Variants in SLITRK5 observed in about 807,000 individuals in gnomAD.
The protein encoded by SLITRK5 is SLIT and NTRK-like protein 5.
SLITRK5 carries 23 observed loss-of-function variants against 56.2 expected under a neutral mutation model. That is an observed-to-expected ratio of 0.41 (90% CI 0.29 to 0.58). The LOEUF is 0.58. Ranked by LOEUF, SLITRK5 falls within the 20% of genes least tolerant of loss-of-function variation. The pLI is 0.30. For synonymous variants in SLITRK5, 637 were observed against 531.8 expected (o/e 1.20, Z -2.72); for missense variants, 1,289 against 1,226.6 (o/e 1.05, Z -0.76).
rs777844382 is a variant in SLITRK5 at position 87,677,224 on chromosome 13, C to T, written c.1836C>T (p.Cys612=). ...GCTCCATTAAGTCGGAGCTGCTGTG[C>T]CCTGACTATTCAGATGTAGTAGTTT... The part of the protein sequence containing the change: ...DMRSIKSELL[C]PDYSDVVVST... The change falls in exon 2 of 2, where the codon TGC becomes TGT. Residue 612 remains cysteine, a synonymous_variant. Transcript: ENST00000683689. This position sits in a 1 kb window ranked among gnomAD's most constrained non-coding sequence, Gnocchi z 4.7. 4 of 1,614,184 alleles carry T rather than the reference C, an allele frequency of 2.5e-6. No individual in the cohort carries two copies. The highest frequency in any genetic ancestry group is 3.4e-6 in the Non-Finnish European group (4 of 1,180,046).
chr13:87,675,359 T>C (rs1172710965), intron 1 of SLITRK5, 22 bp from the exon 2 acceptor site: 1 of 1,571,058 alleles, frequency 6.4e-7, no homozygotes, highest in South Asian at 1.1e-5. Flanking sequence ...TGTTATTTCC[T>C]TGTTTTCTCT....
At chr13:87,674,927 T>C (rs1403450286) in intron 1 of SLITRK5, among the ~76,000 whole-genome samples, 1 of 147,946 alleles carries the variant, frequency 6.8e-6, no homozygotes, top group African/African-American at 2.5e-5. Context: ...CACGGTGAAC[T>C]GTTAACTGAA....
Position 87,677,341 on chromosome 13 carries a change from C to T in SLITRK5, c.1953C>T (p.Ser651=), listed in dbSNP as rs561253040. 1 of 1,614,132 alleles carries T rather than the reference C, an allele frequency of 6.2e-7. No homozygotes were observed. The highest frequency in any genetic ancestry group is 8.5e-7 in the Non-Finnish European group (1 of 1,180,020). Residue 651 remains serine (S), a synonymous_variant, in exon 2 of 2, where the codon AGC becomes AGT. Transcript: ENST00000683689. This position sits in a 1 kb window ranked among gnomAD's most constrained non-coding sequence, Gnocchi z 4.7. ...VRLNSTGAPA[S]LGAGGGASSV... is the part of the protein sequence containing the mutation. ...TGAATAGCACCGGGGCCCCCGCGAG[C>T]TTGGGCGCAGGCGGAGGGGCGTCGT...
At chr13:87,673,362 G>C (rs1877127574) in intron 1 of SLITRK5, 3 of 370,780 alleles carry the variant, frequency 8.1e-6, no homozygotes, top group Non-Finnish European at 1.6e-5. Context: ...GAAGGGAGTG[G>C]GTTGAGAGGA....
rs753403740 is a variant in SLITRK5 at position 87,673,490 on chromosome 13, G to A, written c.-9+1281G>A. On this transcript the variant is annotated intron_variant, in intron 1 of 1. Coordinates refer to ENST00000683689, the MANE Select transcript of SLITRK5 (RefSeq NM_001384609.1). ...TGGGGTGGGAGGTGAATGGGGGCGG[G>A]GAAGCACAGGGAGGGAGGGGGAGGG... is the stretch of plus-strand genomic sequence containing the variant. 6 of 843,158 alleles carry A rather than the reference G, an allele frequency of 7.1e-6. No individual in the cohort carries two copies. The South Asian group carries it at 8.4e-5, about 12-fold the overall frequency. 52.2% of individuals were successfully genotyped at this position (843,158 alleles called of 1,614,324 possible).
chr13:87,672,882 TG>T (rs1157479462), intron 1 of SLITRK5: 8 of 157,594 alleles, frequency 5.1e-5, no homozygotes, highest in African/African-American at 1.5e-4. Context: ...TGTGTGTGTG[TG>T]TGTGTGTGTG....
rs1188705024 is a variant in SLITRK5, at chr13:87,677,589, G to T, written c.2201G>T (p.Arg734Leu). ...GGHPHAHVHH[R>L]GPALPKVKTP... ...CACCCACACGCGCACGTGCATCACC[G>T]CGGGCCCGCGCTGCCCAAGGTGAAG... Residue 734 changes from arginine (R) to leucine (L), a missense_variant, in exon 2 of 2, where the codon CGC becomes CTC. Coordinates refer to ENST00000683689, the MANE Select transcript of SLITRK5 (RefSeq NM_001384609.1). The surrounding 1 kb of genome is among the most constrained non-coding windows in gnomAD (Gnocchi z 4.7). 4.3e-6 allele frequency: 7 copies of T among 1,609,512 alleles called. No individual in the cohort carries two copies. Among genetic ancestry groups the T allele is most frequent in the Non-Finnish European group, 5.9e-6 (7 of 1,177,164 alleles).
At chr13:87,674,852 T>C (rs920191645) in intron 1 of SLITRK5, among the ~76,000 whole-genome samples, 1 of 151,936 alleles carries the variant, frequency 6.6e-6, no homozygotes, top group Non-Finnish European at 1.5e-5. Flanking sequence ...GTGGCATTTC[T>C]AGCGATGGTT....
In SLITRK5 at chr13:87,677,297, G is replaced by T. The variant is rs778039599; in HGVS notation, c.1909G>T (p.Val637Leu). 2.7e-5 allele frequency: 44 copies of T among 1,614,046 alleles called. 1 individual carries two copies. The South Asian group carries it at 3.8e-4, about 14-fold the overall frequency. ...SIQVPARTSA[V>L]TPAVRLNSTG... Reference sequence around the variant, plus strand: ...CCAGGTCCCTGCGAGGACCAGCGCCGTGACTCCTGCGGTCCGGTTGAATAG... The same window carrying T: ...CCAGGTCCCTGCGAGGACCAGCGCCTTGACTCCTGCGGTCCGGTTGAATAG... Residue 637 changes from valine (V) to leucine (L), a missense_variant, in exon 2 of 2, where the codon GTG (valine) becomes TTG (leucine). Physicochemically the swap from Val to Leu is conservative, Grantham distance 32. Coordinates refer to ENST00000683689, the MANE Select transcript of SLITRK5 (RefSeq NM_001384609.1). This position sits in a 1 kb window ranked among gnomAD's most constrained non-coding sequence, Gnocchi z 4.7.
chr13:87,676,567 C>T lies in SLITRK5; in HGVS notation c.1179C>T (p.Cys393=). The change falls in exon 2 of 2, where the codon TGC becomes TGT. Residue 393 remains cysteine (C), a synonymous_variant. Coordinates refer to ENST00000683689, the MANE Select transcript of SLITRK5 (RefSeq NM_001384609.1). ...CTGATCTGGGCCTCAACGTAAACTG[C>T]CAGGAGCGAAAGATCGAGAGCATCG... ...QISDLGLNVN[C]QERKIESIAE... 1 of 1,614,142 alleles carries T rather than the reference C, an allele frequency of 6.2e-7. No homozygotes were observed. The highest frequency in any genetic ancestry group is 8.5e-7 in the Non-Finnish European group (1 of 1,180,030).
chr13:87,677,326 C>G lies in SLITRK5; in HGVS notation c.1938C>G (p.Thr646=), dbSNP rs551160420. 1.2e-6 allele frequency: 2 copies of G among 1,614,122 alleles called. No homozygotes were observed. The highest frequency in any genetic ancestry group is 1.7e-6 in the Non-Finnish European group (2 of 1,180,016). ...CTCCTGCGGTCCGGTTGAATAGCACCGGGGCCCCCGCGAGCTTGGGCGCAG... is the reference window on the plus strand; with the variant it reads ...CTCCTGCGGTCCGGTTGAATAGCACGGGGGCCCCCGCGAGCTTGGGCGCAG... ...AVTPAVRLNS[T]GAPASLGAGG... Residue 646 remains threonine, a synonymous_variant, in exon 2 of 2, where the codon ACC becomes ACG. Coordinates refer to ENST00000683689, the MANE Select transcript of SLITRK5 (RefSeq NM_001384609.1). This position sits in a 1 kb window ranked among gnomAD's most constrained non-coding sequence, Gnocchi z 4.7.
At position 87,676,458 on chromosome 13, in the gene SLITRK5, A is replaced by G. The variant is rs200184437; in HGVS notation, c.1070A>G (p.Asn357Ser). The G allele has an allele frequency of 1.6e-5, 26 of 1,614,076 alleles. No individual in the cohort carries two copies. The East Asian group carries it at 5.8e-4, about 36-fold the overall frequency. Residue 357 changes from asparagine (N) to serine (S), a missense_variant, in exon 2 of 2, where the codon AAC becomes AGC. Around this residue, in one of 3 missense-constraint regions of SLITRK5, gnomAD observed 985 missense variants for 906.0 expected, o/e 1.09. Coordinates refer to ENST00000683689, the MANE Select transcript of SLITRK5 (RefSeq NM_001384609.1). ...RQPSKDLGYS[N>S]YGPSIAYQTK... ...CCCTCTAAGGACTTGGGCTACAGCA[A>G]CTATGGCCCCAGCATCGCCTATCAG...
intron 1 of SLITRK5, chr13:87,673,689 C>T (rs1192709394): frequency 1.7e-5 from 8 of 458,532 alleles, no homozygotes; most frequent in South Asian, 1.2e-4. Context: ...ACTGTGGTTC[C>T]AATTCATCTC....
In SLITRK5 at chr13:87,676,435, C is replaced by T. The variant is rs753211474; in HGVS notation, c.1047C>T (p.Pro349=). 11 of 1,614,012 alleles carry T rather than the reference C, an allele frequency of 6.8e-6. 1 individual carries two copies. Among genetic ancestry groups the T allele is most frequent in the South Asian group, 6.6e-5 (6 of 91,084 alleles). The change falls in exon 2 of 2, where the codon CCC becomes CCT. Residue 349 remains proline, a synonymous_variant. Coordinates refer to ENST00000683689, the MANE Select transcript of SLITRK5 (RefSeq NM_001384609.1). The part of the protein sequence containing the change: ...KPRVRPTSRQ[P]SKDLGYSNYG... ...GGGTGCGCCCCACCTCTCGGCAGCC[C>T]TCTAAGGACTTGGGCTACAGCAACT...
Position 87,678,246 on chromosome 13 carries a change from C to T in SLITRK5, c.2858C>T (p.Thr953Ile), listed in dbSNP as rs1180920022. ...PDYLEVLEKQTTFSQF is the reference protein window; with the variant it reads ...PDYLEVLEKQITFSQF Reference sequence around the variant, plus strand: ...TACCTCGAAGTGCTGGAAAAACAGACCACGTTTAGCCAGTTCTAAAAGCAA... The same window carrying T: ...TACCTCGAAGTGCTGGAAAAACAGATCACGTTTAGCCAGTTCTAAAAGCAA... Residue 953 changes from threonine (T) to isoleucine (I), a missense_variant, in exon 2 of 2, where the codon ACC becomes ATC. This residue lies in a region of SLITRK5 where 985 missense variants were observed against 906.0 expected (regional missense o/e 1.09). Transcript: ENST00000683689. 1.2e-6 allele frequency: 2 copies of T among 1,606,876 alleles called. No homozygotes were observed. Among genetic ancestry groups the T allele is most frequent in the Non-Finnish European group, 8.5e-7 (1 of 1,176,462 alleles).
In SLITRK5 at chr13:87,675,484, T is replaced by G. The variant is rs754055718; in HGVS notation, c.96T>G (p.Ser32=). ...AGACTCTAGCGTTTGCTGTAACATC[T>G]CTCGTCCTTTCGTGTGCAGAAACCA... ...MLQTLAFAVT[S]LVLSCAETID... is the part of the protein sequence containing the mutation. Residue 32 remains serine (S), a synonymous_variant, in exon 2 of 2, where the codon TCT becomes TCG. Coordinates refer to ENST00000683689, the MANE Select transcript of SLITRK5 (RefSeq NM_001384609.1). 4 of 1,614,130 alleles carry G rather than the reference T, an allele frequency of 2.5e-6. No individual in the cohort carries two copies. The highest frequency in any genetic ancestry group is 3.4e-6 in the Non-Finnish European group (4 of 1,180,018).
intron 1 of SLITRK5, among the ~76,000 whole-genome samples, chr13:87,674,919 C>G (rs980567090): frequency 8.0e-6 from 1 of 124,420 alleles, no homozygotes; most frequent in Non-Finnish European, 1.6e-5. Flanking sequence ...GAGACCTTCA[C>G]GGTGAACTGT....
In SLITRK5 at chr13:87,676,210, C is replaced by G; in HGVS notation, c.822C>G (p.Asp274Glu). The G allele has an allele frequency of 1.2e-6, 2 of 1,614,096 alleles. No individual in the cohort carries two copies. Among genetic ancestry groups the G allele is most frequent in the Non-Finnish European group, 1.7e-6 (2 of 1,180,008 alleles). Reference sequence around the variant, plus strand: ...CCCCCTTCCGCTTACACGGAAGGGACTTGGACGAGGTATCCAAGCAGGAAC... The same window carrying G: ...CCCCCTTCCGCTTACACGGAAGGGAGTTGGACGAGGTATCCAAGCAGGAAC... ...CETPFRLHGR[D>E]LDEVSKQELC... The change falls in exon 2 of 2, where the codon GAC becomes GAG. Residue 274 changes from aspartate to glutamate, a missense_variant. Physicochemically the swap from Asp to Glu is conservative, Grantham distance 45 (BLOSUM62 2). Coordinates refer to ENST00000683689, the MANE Select transcript of SLITRK5 (RefSeq NM_001384609.1).
In SLITRK5 at chr13:87,676,726, G is replaced by C. The variant is rs745556597; in HGVS notation, c.1338G>C (p.Ser446=). 12 of 1,614,052 alleles carry C rather than the reference G, an allele frequency of 7.4e-6. No homozygotes were observed. The highest frequency in any genetic ancestry group is 1.0e-5 in the Non-Finnish European group (12 of 1,180,018). Residue 446 remains serine (S), a synonymous_variant, in exon 2 of 2, where the codon TCG becomes TCC. Transcript: ENST00000683689. ...DLLHLGNNRI[S]MIQDRAFGDL... Reference sequence around the variant, plus strand: ...TGCACCTGGGGAATAACCGCATCTCGATGATCCAGGACCGCGCTTTCGGGG... The same window carrying C: ...TGCACCTGGGGAATAACCGCATCTCCATGATCCAGGACCGCGCTTTCGGGG...
Sources: gnomAD v4.1 joint callset for allele counts (sites outside exome capture counted in the v4.1 genomes callset) on GRCh38, gnomAD v4.1.1 for gene constraint, gnomAD v4.1.1 regional missense constraint, Gnocchi (gnomAD v3.1) non-coding constraint, MANE v1.5 for transcripts, NCBI Gene and HGNC (gene_info 2026-07-23, HGNC 2026-07-21) for gene names.